WASF1: variants seen among roughly 807,000 people sequenced by gnomAD.
WASF1 encodes actin-binding protein WASF1.
Under a neutral mutation model 50.5 loss-of-function variants are expected in WASF1, and 7 were observed. The ratio of observed to expected loss-of-function variants is 0.14; its 90% CI spans 0.08 to 0.26. The LOEUF is 0.26. Among genes scored for constraint, WASF1 ranks in the 10% least tolerant of loss-of-function variants. The pLI is 1.00. For missense variants in WASF1, 470 were observed against 694.7 expected (o/e 0.68, Z 3.64); for synonymous variants, 205 against 244.0 (o/e 0.84, Z 1.49).
chr6:110,170,999 T>G (rs945406253), intron 2 of WASF1, among the ~76,000 whole-genome samples: 1 of 152,096 alleles, frequency 6.6e-6, no homozygotes, highest in African/African-American at 2.4e-5. Flanking sequence ...GCTAGAGATA[T>G]CAACATCCTT....
At chr6:110,172,722 G>A (rs1350028695) in intron 2 of WASF1, among the ~76,000 whole-genome samples, 4 of 152,156 alleles carry the variant, frequency 2.6e-5, no homozygotes, top group Admixed American at 6.5e-5. Context: ...ATAAGTGGGA[G>A]CTAAATAATT....
At chr6:110,109,997 T>C (rs1773489190) in intron 5 of WASF1, among the ~76,000 whole-genome samples, 1 of 152,162 alleles carries the variant, frequency 6.6e-6, no homozygotes, top group Non-Finnish European at 1.5e-5. Context: ...CATAATTCCA[T>C]TTCTAGCAAT....
At chr6:110,119,365 C>T (rs1773975333) in intron 4 of WASF1, among the ~76,000 whole-genome samples, 1 of 152,088 alleles carries the variant, frequency 6.6e-6, no homozygotes, top group Admixed American at 6.5e-5. Context: ...GATATCACTG[C>T]CAATCCCCCA....
At chr6:110,128,893 G>C (rs1217252583) in intron 3 of WASF1, among the ~76,000 whole-genome samples, 1 of 152,192 alleles carries the variant, frequency 6.6e-6, no homozygotes, top group East Asian at 1.9e-4. Context: ...CTGCACACGT[G>C]AGGGGTCTAG....
intron 6 of WASF1, among the ~76,000 whole-genome samples, chr6:110,107,668 G>A (rs933384693): frequency 6.6e-6 from 1 of 152,066 alleles, no homozygotes; most frequent in African/African-American, 2.4e-5. Context: ...CTAATTATCT[G>A]CACACTGACT....
chr6:110,142,262 A>T (rs1447395643), intron 3 of WASF1, among the ~76,000 whole-genome samples: 1 of 152,214 alleles, frequency 6.6e-6, no homozygotes, highest in Non-Finnish European at 1.5e-5. Context: ...GATGAAAGGA[A>T]TGTACAGCAT....
intron 3 of WASF1, among the ~76,000 whole-genome samples, chr6:110,134,000 T>C (rs1344166309): frequency 6.6e-6 from 1 of 152,220 alleles, no homozygotes; most frequent in Non-Finnish European, 1.5e-5. Flanking sequence ...TTTTATTTTT[T>C]TGAGACAGAA....
intron 2 of WASF1, among the ~76,000 whole-genome samples, chr6:110,166,343 A>G (rs1016025146): frequency 2.6e-5 from 4 of 151,774 alleles, no homozygotes; most frequent in African/African-American, 9.7e-5. Flanking sequence ...TGTTTTAAAA[A>G]TATCAGTGGT....
chr6:110,124,480 G>A (rs906760258), intron 4 of WASF1, among the ~76,000 whole-genome samples: 2 of 150,732 alleles, frequency 1.3e-5, no homozygotes, highest in Non-Finnish European at 2.9e-5. Context: ...CTCAGCTAAG[G>A]AGTAAAAAAC....
intron 3 of WASF1, among the ~76,000 whole-genome samples, chr6:110,138,673 G>A (rs1775078265): frequency 6.6e-6 from 1 of 152,202 alleles, no homozygotes; most frequent in African/African-American, 2.4e-5. Context: ...AATGAGTTGA[G>A]GAGACCCAAA....
intron 3 of WASF1, among the ~76,000 whole-genome samples, chr6:110,136,033 G>C (rs1203909925): frequency 6.6e-6 from 1 of 151,592 alleles, no homozygotes; most frequent in Non-Finnish European, 1.5e-5. Flanking sequence ...ACAGGCACCT[G>C]CCACCATGCC....
intron 3 of WASF1, among the ~76,000 whole-genome samples, chr6:110,146,415 T>A (rs1775563452): frequency 6.6e-6 from 1 of 151,738 alleles, no homozygotes; most frequent in Admixed American, 6.6e-5. Flanking sequence ...GAAATAATTT[T>A]CTTAATAAAC....
chr6:110,161,687 C>A (rs945948904), intron 2 of WASF1, among the ~76,000 whole-genome samples: 1 of 151,504 alleles, frequency 6.6e-6, no homozygotes, highest in East Asian at 1.9e-4. Flanking sequence ...CAGCAAAAAA[C>A]TGGGGAGAAA....
chr6:110,112,123 C>T (rs751770108), intron 5 of WASF1, among the ~76,000 whole-genome samples: 11 of 151,360 alleles, frequency 7.3e-5, no homozygotes, highest in Admixed American at 2.6e-4. Context: ...TCTATCATTA[C>T]ATTATATTTT....
chr6:110,118,706 T>C (rs1773933790), intron 4 of WASF1, among the ~76,000 whole-genome samples: 1 of 152,182 alleles, frequency 6.6e-6, no homozygotes, highest in Admixed American at 6.5e-5. Context: ...AATAGACATC[T>C]ACAGAACTCC....
intron 3 of WASF1, among the ~76,000 whole-genome samples, chr6:110,145,753 G>A (rs548702252): frequency 6.6e-6 from 1 of 152,040 alleles, no homozygotes; most frequent in East Asian, 1.9e-4. Flanking sequence ...TTTATATGCT[G>A]GATTAAGAAA....
At chr6:110,174,130 CCT>C (rs1430421188) in intron 2 of WASF1, among the ~76,000 whole-genome samples, 2 of 152,098 alleles carry the variant, frequency 1.3e-5, no homozygotes, top group Non-Finnish European at 2.9e-5. Flanking sequence ...AGTCACAATC[CCT>C]CTTACACTAA....
chr6:110,141,278 C>T (rs1775221954), intron 3 of WASF1, among the ~76,000 whole-genome samples: 1 of 152,160 alleles, frequency 6.6e-6, no homozygotes, highest in South Asian at 2.1e-4. Context: ...ACCCTCATTT[C>T]TCACTACACT....
At chr6:110,145,366 C>T (rs1400368628) in intron 3 of WASF1, among the ~76,000 whole-genome samples, 2 of 152,164 alleles carry the variant, frequency 1.3e-5, no homozygotes, top group Non-Finnish European at 2.9e-5. Flanking sequence ...TGGGCTGAGA[C>T]AATGGGGTTT....
Sources: gnomAD v4.1 joint callset for allele counts (sites outside exome capture counted in the v4.1 genomes callset) on GRCh38, gnomAD v4.1.1 for gene constraint, MANE v1.5 for transcripts, NCBI Gene and HGNC (gene_info 2026-07-23, HGNC 2026-07-21) for gene names.